ANKRD36C: variants seen among roughly 807,000 people sequenced by gnomAD.
ANKRD36C encodes ankyrin repeat domain-containing protein 36C.
ANKRD36C carries 61 observed loss-of-function variants against 276.4 expected under a neutral mutation model. The observed-to-expected ratio is 0.22, with a 90% CI of 0.18 to 0.27. ANKRD36C has a LOEUF of 0.27. Ranked by LOEUF, ANKRD36C falls within the 10% of genes least tolerant of loss-of-function variation. ANKRD36C has a pLI of 1.00. For missense variants in ANKRD36C, 1,447 were observed against 2,032.3 expected, an observed-to-expected ratio of 0.71 and a Z score of 5.54; for synonymous variants, 483 against 680.1, an observed-to-expected ratio of 0.71 and a Z score of 4.51.
intron 44 of ANKRD36C, among the ~76,000 whole-genome samples, chr2:95,892,193 A>G: frequency 6.6e-6 from 1 of 151,588 alleles, no homozygotes; most frequent in East Asian, 1.9e-4. Flanking sequence ...ACACGTGAGA[A>G]TAAATGTCAA....
intron 6 of ANKRD36C, among the ~76,000 whole-genome samples, chr2:95,973,914 G>A (rs954669006): frequency 2.6e-5 from 4 of 152,062 alleles, no homozygotes; most frequent in Non-Finnish European, 5.9e-5. Flanking sequence ...TTGGTGTGGT[G>A]GCATATGCTT....
chr2:95,851,804 A>G lies in ANKRD36C; in HGVS notation c.5220-17T>C, dbSNP rs2872926. 3.3e-6 allele frequency: 5 copies of G among 1,522,096 alleles called. No individual in the cohort carries two copies. Among genetic ancestry groups the G allele is most frequent in the Non-Finnish European group, 4.4e-6 (5 of 1,127,634 alleles). The allele number at this position is 1,522,096 out of a possible 1,614,324, so 94.3% of individuals were successfully genotyped here. ...ACTTCAAGCCTAAAATGTGCATTTTAAAATAATTACTCTCACACATAATTG... is the reference window on the plus strand; with the variant it reads ...ACTTCAAGCCTAAAATGTGCATTTTGAAATAATTACTCTCACACATAATTG... On this transcript the variant is annotated splice_polypyrimidine_tract_variant and intron_variant, in intron 65 of 66. Coordinates refer to ENST00000456556, the Ensembl canonical transcript of ANKRD36C.
chr2:95,861,652 ACTAAT>A (rs942847560), intron 60 of ANKRD36C, among the ~76,000 whole-genome samples: 1 of 152,084 alleles, frequency 6.6e-6, no homozygotes. Context: ...AAAACAGTTG[ACTAAT>A]CTAAAGGAAA....
chr2:95,983,209 C>T (rs1678956136), intron 3 of ANKRD36C, among the ~76,000 whole-genome samples: 1 of 151,528 alleles, frequency 6.6e-6, no homozygotes, highest in African/African-American at 2.4e-5. Context: ...CTCTTTAATT[C>T]GGAGAGCCGG....
intron 17 of ANKRD36C, among the ~76,000 whole-genome samples, chr2:95,947,179 C>T (rs571837734): frequency 4.8e-4 from 73 of 151,292 alleles, no homozygotes; most frequent in Non-Finnish European, 2.2e-4. Context: ...TTAGAAAACA[C>T]GCTGTATCCA....
At position 95,960,472 on chromosome 2, in the gene ANKRD36C, C is replaced by T; in HGVS notation, c.1003+1G>A. The T allele has an allele frequency of 7.8e-6, 12 of 1,539,346 alleles. No homozygotes were observed. Among genetic ancestry groups the T allele is most frequent in the Non-Finnish European group, 9.6e-6 (11 of 1,145,730 alleles). On this transcript the variant is annotated splice_donor_variant, in intron 10 of 66. Coordinates refer to ENST00000456556, the Ensembl canonical transcript of ANKRD36C. LOFTEE classifies it high-confidence loss of function. ...GCATTAAATGTGTATTGCAAAATTA[C>T]CTGTCCCAGATTTTTGTTCATCTTT...
chr2:95,902,894 G>C lies in ANKRD36C; in HGVS notation c.2654-3558C>G, dbSNP rs962852984. The C allele has an allele frequency of 1.3e-5, 21 of 1,578,616 alleles. 1 individual carries two copies. Among genetic ancestry groups the C allele is most frequent in the African/African-American group, 8.1e-5 (6 of 73,742 alleles). On this transcript the variant is annotated intron_variant, in intron 42 of 66. Transcript: ENST00000456556. Reference sequence around the variant, plus strand: ...TCTCTTTTCAAAATTACCTCTCCTAGTTTTTTCTCCATACTTTTTTCCTCT... The same window carrying C: ...TCTCTTTTCAAAATTACCTCTCCTACTTTTTTCTCCATACTTTTTTCCTCT...
At chr2:95,893,804 A>C in intron 44 of ANKRD36C, 80 bp from the exon 63 acceptor site, 1 of 1,594,592 alleles carries the variant, frequency 6.3e-7, no homozygotes. Flanking sequence ...AGTTAGCATC[A>C]AACTCTGTCC....
chr2:95,888,395 C>T lies in ANKRD36C; in HGVS notation c.2960-275G>A, dbSNP rs1352329646. Among the ~76,000 whole-genome samples, 4 of 151,626 alleles carry T rather than the reference C, an allele frequency of 2.6e-5. No individual in the cohort carries two copies. The East Asian group carries it at 7.8e-4, about 29-fold the overall frequency. On this transcript the variant is annotated intron_variant, in intron 48 of 66. Transcript: ENST00000456556. ...CCATGTCAATATCAATGTGGATATG[C>T]CAAGTGATGAGGACAAATGTGATCT...
intron 38 of ANKRD36C, among the ~76,000 whole-genome samples, chr2:95,914,715 C>A (rs142071064): frequency 0.017 from 2,616 of 151,522 alleles, 44 homozygotes; most frequent in Non-Finnish European, 0.024. Context: ...CATTATACTA[C>A]AAACATTCAC....
At chr2:95,863,586 C>T (rs1398114232) in intron 60 of ANKRD36C, among the ~76,000 whole-genome samples, 4 of 152,130 alleles carry the variant, frequency 2.6e-5, no homozygotes, top group South Asian at 2.1e-4. Context: ...TGTGATGCAA[C>T]GAAGACATCC....
intron 34 of ANKRD36C, among the ~76,000 whole-genome samples, 189 bp downstream of exon 36, chr2:95,919,544 A>G (rs1186429872): frequency 7.6e-6 from 1 of 132,056 alleles, no homozygotes; most frequent in Non-Finnish European, 1.7e-5. Context: ...TACTGCAAAG[A>G]TCATGTTCCA....
chr2:95,859,889 C>G (rs752402958), exon 61 of ANKRD36C: 1 of 1,550,038 alleles, frequency 6.5e-7, no homozygotes, highest in Non-Finnish European at 8.7e-7. Context: ...TTTTCCAATT[C>G]AAGTGTTTCA....
intron 56 of ANKRD36C, 62 bp from the exon 77 acceptor site, chr2:95,880,685 T>C: frequency 6.6e-7 from 1 of 1,515,786 alleles, no homozygotes; most frequent in Non-Finnish European, 8.9e-7. Context: ...AACCATACAT[T>C]TGTGGAGTGT....
At chr2:95,910,009 C>T (rs1252499735) in intron 42 of ANKRD36C, among the ~76,000 whole-genome samples, 10 of 151,306 alleles carry the variant, frequency 6.6e-5, no homozygotes, top group African/African-American at 2.4e-4. Context: ...TCTGTCTGTT[C>T]TTAGCAGTAC....
intron 42 of ANKRD36C, among the ~76,000 whole-genome samples, chr2:95,912,036 T>G (rs1676942988): frequency 6.6e-6 from 1 of 151,398 alleles, no homozygotes; most frequent in Admixed American, 6.6e-5. Flanking sequence ...TCCTCCCAAT[T>G]GCAATGTGGG....
intron 60 of ANKRD36C, among the ~76,000 whole-genome samples, chr2:95,863,534 G>T (rs1266517804): frequency 6.6e-6 from 1 of 152,064 alleles, no homozygotes; most frequent in Non-Finnish European, 1.5e-5. Context: ...TTACCAAGAA[G>T]AAAATTCCCT....
chr2:95,942,310 C>A (rs1486922190), intron 19 of ANKRD36C, among the ~76,000 whole-genome samples: 1 of 152,294 alleles, frequency 6.6e-6, no homozygotes, highest in Non-Finnish European at 1.5e-5. Flanking sequence ...TTATATATTT[C>A]TATACTGGAT....
intron 58 of ANKRD36C, among the ~76,000 whole-genome samples, chr2:95,879,998 T>C (rs1676040822): frequency 7.1e-6 from 1 of 141,228 alleles, no homozygotes; most frequent in Non-Finnish European, 1.5e-5. Flanking sequence ...CTGACCAACA[T>C]GGAGAAAGCC....
Sources: gnomAD v4.1 joint callset for allele counts (sites outside exome capture counted in the v4.1 genomes callset) on GRCh38, gnomAD v4.1.1 for gene constraint, MANE v1.5 for transcripts, NCBI Gene and HGNC (gene_info 2026-07-23, HGNC 2026-07-21) for gene names.